Variants in HDAC2 observed in about 807,000 individuals in gnomAD.
HDAC2 encodes YY1-associated factor 1.
In HDAC2, 5 loss-of-function variants were observed where a neutral mutation model predicts 68.5. The ratio of observed to expected loss-of-function variants is 0.07; its 90% confidence interval spans 0.04 to 0.15. The LOEUF (loss-of-function observed/expected upper bound fraction) is 0.15, where lower values mean the gene tolerates loss of function less well. Ranked by LOEUF, HDAC2 falls within the 10% of genes least tolerant of loss-of-function variation. The probability of loss-of-function intolerance (pLI) is 1.00; values close to 1 mark genes in which losing one functional copy is unlikely to be tolerated. For missense variants in HDAC2, 291 were observed against 600.8 expected, an observed-to-expected ratio of 0.48 and a Z score of 5.39; for synonymous variants, 182 against 191.3, an observed-to-expected ratio of 0.95 and a Z score of 0.40.
Position 113,935,690 on chromosome 6 carries a change from A to G in HDAC2, c.*5368T>C, listed in dbSNP as rs1775986090. 6.6e-6 allele frequency: 1 copy of G among 152,238 alleles called. No homozygotes were observed. Among genetic ancestry groups the G allele is most frequent in the East Asian group, 1.9e-4 (1 of 5,204 alleles). The allele number at this position is 152,238 out of a possible 1,614,324, so 9.4% of individuals were successfully genotyped here. On this transcript the variant is annotated 3_prime_UTR_variant, in exon 14 of 14. Coordinates refer to ENST00000519065, the MANE Select transcript of HDAC2 (RefSeq NM_001527.4). ...CTCATTTTACCTTAGAAATAATTATACATTTCTTTAACATTTAGAGTAAAA... is the reference window on the plus strand; with the variant it reads ...CTCATTTTACCTTAGAAATAATTATGCATTTCTTTAACATTTAGAGTAAAA...
chr6:113,952,258 T>C (rs1309633345), intron 6 of HDAC2, among the ~76,000 whole-genome samples: 1 of 152,202 alleles, frequency 6.6e-6, no homozygotes, highest in East Asian at 1.9e-4. Context: ...AGGAGTTTAC[T>C]GGCAAGGAAT....
intron 4 of HDAC2, 92 bp downstream of exon 4, chr6:113,956,527 C>G (rs2114608646): frequency 2.4e-6 from 2 of 845,942 alleles, no homozygotes; most frequent in East Asian, 5.0e-5. Context: ...TCAAAATTCA[C>G]AATCATTAAA....
At chr6:113,955,038 T>A (rs752860238) in intron 5 of HDAC2, among the ~76,000 whole-genome samples, 34 of 152,176 alleles carry the variant, frequency 2.2e-4, no homozygotes, top group Admixed American at 7.9e-4. Flanking sequence ...GTAAAAAAAT[T>A]TCCTTTAACA....
intron 8 of HDAC2, chr6:113,947,046 ATTC>A (rs1301019867): frequency 5.9e-5 from 9 of 152,178 alleles, no homozygotes; most frequent in Non-Finnish European, 1.2e-4. Flanking sequence ...TTCATTAAGC[ATTC>A]TTCAATAGTT....
chr6:113,957,432 C>A (rs1445128198), intron 3 of HDAC2: 1 of 151,872 alleles, frequency 6.6e-6, no homozygotes, highest in Non-Finnish European at 1.5e-5. Context: ...CCTTAAGTCA[C>A]AAGCACTATA....
chr6:113,970,698 T>G, intron 1 of HDAC2, 159 bp downstream of exon 1: 1 of 1,367,814 alleles, frequency 7.3e-7, no homozygotes, highest in Non-Finnish European at 9.4e-7. Flanking sequence ...GAAGAGGGTC[T>G]CGTTCTAACT....
intron 8 of HDAC2, 66 bp downstream of exon 8, chr6:113,948,913 A>G: frequency 2.6e-6 from 4 of 1,560,518 alleles, no homozygotes; most frequent in Non-Finnish European, 3.5e-6. Flanking sequence ...GAGAACTTTT[A>G]CGGGGAGTTC....
chr6:113,939,347 T>C lies in HDAC2; in HGVS notation c.*1711A>G, dbSNP rs1334841684. On this transcript the variant is annotated 3_prime_UTR_variant, in exon 14 of 14. Transcript: ENST00000519065. ...ATAAAAGATTACAAATAGGGTGCAGTGTACACTGCTTGGGTGATGGGTCCA... is the reference window on the plus strand; with the variant it reads ...ATAAAAGATTACAAATAGGGTGCAGCGTACACTGCTTGGGTGATGGGTCCA... 1 of 152,088 alleles carries C rather than the reference T, an allele frequency of 6.6e-6. No homozygotes were observed. The highest frequency in any genetic ancestry group is 1.5e-5 in the Non-Finnish European group (1 of 68,036). 9.4% of individuals were successfully genotyped at this position (152,088 alleles called of 1,614,324 possible). A position where few individuals can be genotyped will look rare whatever the true frequency, so the allele number is the denominator to read the frequency against.
At chr6:113,957,844 T>C (rs1036977924) in intron 3 of HDAC2, among the ~76,000 whole-genome samples, 3 of 152,110 alleles carry the variant, frequency 2.0e-5, no homozygotes, top group South Asian at 2.1e-4. Flanking sequence ...AATCCTGTTA[T>C]GTTGTTTGCC....
chr6:113,958,594 A>G (rs1776609018), intron 3 of HDAC2, 55 bp downstream of exon 3: 1 of 854,066 alleles, frequency 1.2e-6, no homozygotes, highest in East Asian at 2.5e-5. Flanking sequence ...CTAAGCTCCT[A>G]AAAATACTAA....
rs1399559134 is a variant in HDAC2 at position 113,953,384 on chromosome 6, T to C, written c.532A>G (p.Ile178Val). ...TCTTCAACACCATCACCATGATGAA[T>C]ATCTATATCAATATATAAGACTCTC... ...HQRVLYIDID[I>V]HHGDGVEEAF... is the part of the protein sequence containing the mutation. The change falls in exon 6 of 14, where the codon ATT becomes GTT. Residue 178 changes from isoleucine (I) to valine (V), a missense_variant. Physicochemically the swap from Ile to Val is conservative, Grantham distance 29. Coordinates refer to ENST00000519065, the MANE Select transcript of HDAC2 (RefSeq NM_001527.4). 6.3e-7 allele frequency: 1 copy of C among 1,575,872 alleles called. No individual in the cohort carries two copies. The highest frequency in any genetic ancestry group is 8.7e-7 in the Non-Finnish European group (1 of 1,145,940).
intron 1 of HDAC2, among the ~76,000 whole-genome samples, chr6:113,963,728 C>T (rs1263081010): frequency 2.0e-5 from 3 of 152,148 alleles, no homozygotes; most frequent in Non-Finnish European, 4.4e-5. Flanking sequence ...GGATATTCAA[C>T]CTGTACATAA....
At chr6:113,947,639 T>G (rs949314126) in intron 8 of HDAC2, 1 of 152,162 alleles carries the variant, frequency 6.6e-6, no homozygotes, top group Non-Finnish European at 1.5e-5. Flanking sequence ...GTAGATCATT[T>G]TAGAAAGTTT....
intron 5 of HDAC2, among the ~76,000 whole-genome samples, chr6:113,954,348 C>T (rs561527957): frequency 1.2e-3 from 189 of 152,058 alleles, no homozygotes; most frequent in Non-Finnish European, 2.3e-3. Context: ...TCTCATAACA[C>T]TATAAACAGC....
intron 2 of HDAC2, 141 bp from the exon 3 acceptor site, chr6:113,958,907 C>G: frequency 1.5e-6 from 1 of 686,726 alleles, no homozygotes; most frequent in Non-Finnish European, 2.6e-6. Context: ...CCAAAACTAA[C>G]CCAAACTTAT....
intron 1 of HDAC2, among the ~76,000 whole-genome samples, chr6:113,962,079 T>A (rs1448929191): frequency 1.3e-5 from 2 of 151,084 alleles, no homozygotes; most frequent in Non-Finnish European, 2.9e-5. Flanking sequence ...TCTGAGCAAG[T>A]GTGTTTGAAA....
chr6:113,941,498 AACTG>A (rs1776133534), intron 13 of HDAC2, among the ~76,000 whole-genome samples: 1 of 152,138 alleles, frequency 6.6e-6, no homozygotes, highest in Non-Finnish European at 1.5e-5. Flanking sequence ...CAAGAATACA[AACTG>A]ACTGATATAG....
Position 113,936,529 on chromosome 6 carries a change from G to T in HDAC2, c.*4529C>A, listed in dbSNP as rs186264262. 6.6e-6 allele frequency: 1 copy of T among 152,100 alleles called. No individual in the cohort carries two copies. Among genetic ancestry groups the T allele is most frequent in the Admixed American group, 6.5e-5 (1 of 15,282 alleles). 9.4% of individuals were successfully genotyped at this position (152,100 alleles called of 1,614,324 possible). On this transcript the variant is annotated 3_prime_UTR_variant, in exon 14 of 14. Coordinates refer to ENST00000519065, the MANE Select transcript of HDAC2 (RefSeq NM_001527.4). ...TTATTCGTATCCTTGCTAAAATCAG[G>T]TCTCCAAAAGATTGCTTCTCTATCC... is the stretch of plus-strand genomic sequence containing the variant.
intron 8 of HDAC2, chr6:113,947,033 A>G (rs1776279164): frequency 6.6e-6 from 1 of 152,138 alleles, no homozygotes; most frequent in Non-Finnish European, 1.5e-5. Context: ...TACTGTGGGA[A>G]TTTTCATTAA....
Sources: gnomAD v4.1 joint callset for allele counts (sites outside exome capture counted in the v4.1 genomes callset) on GRCh38, gnomAD v4.1.1 for gene constraint, MANE v1.5 for transcripts, NCBI Gene and HGNC (gene_info 2026-07-23, HGNC 2026-07-21) for gene names.